NALF1: variants seen among roughly 807,000 people sequenced by gnomAD.
NALF1 encodes NALCN channel auxiliary factor 1.
NALF1 carries 3 observed loss-of-function variants against 48.4 expected under a neutral mutation model. The observed-to-expected ratio is 0.06, with a 90% CI of 0.03 to 0.16. The LOEUF is 0.16. Ranked by LOEUF, NALF1 falls within the 10% of genes least tolerant of loss-of-function variation. The pLI, the probability that NALF1 is intolerant of heterozygous loss-of-function variation, is 1.00. For synonymous variants in NALF1, 262 were observed against 245.7 expected (o/e 1.07, Z -0.62); for missense variants, 526 against 571.5 (o/e 0.92, Z 0.81).
Position 107,477,013 on chromosome 13 carries a change from AT to A in NALF1, c.916-266259del, listed in dbSNP as rs1414760468. On this transcript the variant is annotated intron_variant, in intron 1 of 2. Transcript: ENST00000375915. ...AATGCTTGAAACTCTCACTAATGGC[AT>A]TTGCAGTCAGGGAAACTGAGTCAAT... Among the ~76,000 whole-genome samples, 4 of 152,240 alleles carry A rather than the reference AT, an allele frequency of 2.6e-5. No individual in the cohort carries two copies. In the East Asian group the frequency reaches 7.7e-4, roughly 29 times the overall value.
chr13:107,201,034 G>A (rs1879503059), intron 2 of NALF1, among the ~76,000 whole-genome samples: 1 of 152,136 alleles, frequency 6.6e-6, no homozygotes, highest in African/African-American at 2.4e-5. Flanking sequence ...ACACGCCACT[G>A]CAATGAAGAG....
chr13:107,730,057 C>G lies in NALF1; in HGVS notation c.915+135625G>C, dbSNP rs545008437. Among the ~76,000 whole-genome samples, 5 of 152,286 alleles carry G rather than the reference C, an allele frequency of 3.3e-5. No individual in the cohort carries two copies. The South Asian group carries it at 8.3e-4, about 25-fold the overall frequency. On this transcript the variant is annotated intron_variant, in intron 1 of 2. Coordinates refer to ENST00000375915, the MANE Select transcript of NALF1 (RefSeq NM_001080396.3). ...ATAACATAATCTATCTCTACAACAT[C>G]TCTTCTCTAAGTCTGCTACGAAATT...
chr13:107,212,246 A>C (rs562023766), intron 1 of NALF1, among the ~76,000 whole-genome samples: 1 of 152,220 alleles, frequency 6.6e-6, no homozygotes, highest in Admixed American at 6.5e-5. Flanking sequence ...ATAAATATCA[A>C]AGTGAGATAC....
rs1321587346 is a variant in NALF1, at chr13:107,164,018, A to G, written c.*6479T>C. The G allele has an allele frequency of 2.6e-5, 4 of 152,218 alleles. No individual in the cohort carries two copies. The allele number at this position is 152,218 out of a possible 1,614,324, so 9.4% of individuals were successfully genotyped here. On this transcript the variant is annotated 3_prime_UTR_variant, in exon 3 of 3. Coordinates refer to ENST00000375915, the MANE Select transcript of NALF1 (RefSeq NM_001080396.3). Reference sequence around the variant, plus strand: ...GTGAAATGGTCAGTAGAAAATGGCCATAAGTTGAAATTTGCGTTTCGGTAA... The same window carrying G: ...GTGAAATGGTCAGTAGAAAATGGCCGTAAGTTGAAATTTGCGTTTCGGTAA...
intron 1 of NALF1, among the ~76,000 whole-genome samples, chr13:107,837,937 A>G (rs369125264): frequency 4.2e-4 from 64 of 152,242 alleles, no homozygotes; most frequent in African/African-American, 1.2e-3. Flanking sequence ...AAACACGGTA[A>G]AAAAACTCAT....
At position 107,463,446 on chromosome 13, in the gene NALF1, C is replaced by T. The variant is rs141852663; in HGVS notation, c.916-252691G>A. 7.1e-3 allele frequency among the ~76,000 whole-genome samples: 1,078 copies of T among 152,244 alleles called. 4 individuals are homozygous for T. The highest frequency in any genetic ancestry group is 0.012 in the Non-Finnish European group (816 of 68,012). ...AATAGAGAGGAAGGAAAGGATGTTG[C>T]TGGACCAAATAAAAAGCATGCATAT... On this transcript the variant is annotated intron_variant, in intron 1 of 2. Coordinates refer to ENST00000375915, the MANE Select transcript of NALF1 (RefSeq NM_001080396.3).
At chr13:107,524,333 A>G (rs1288106763) in intron 1 of NALF1, among the ~76,000 whole-genome samples, 1 of 152,164 alleles carries the variant, frequency 6.6e-6, no homozygotes, top group Admixed American at 6.6e-5. Flanking sequence ...AAGAGGCCAG[A>G]GCAGAAGTAG....
intron 1 of NALF1, among the ~76,000 whole-genome samples, chr13:107,633,529 T>C (rs1030300745): frequency 1.3e-5 from 2 of 151,946 alleles, no homozygotes; most frequent in Admixed American, 1.3e-4. Context: ...TTTATTCCTG[T>C]CCAAGTTATT....
chr13:107,549,196 C>T (rs1001058011), intron 1 of NALF1, among the ~76,000 whole-genome samples: 4 of 152,152 alleles, frequency 2.6e-5, no homozygotes, highest in African/African-American at 4.8e-5. Flanking sequence ...GTTAATATCT[C>T]TGTTGCACTA....
intron 1 of NALF1, among the ~76,000 whole-genome samples, chr13:107,599,963 T>C (rs1294255544): frequency 6.6e-6 from 1 of 152,194 alleles, no homozygotes; most frequent in African/African-American, 2.4e-5. Context: ...GGCCTAACTC[T>C]GATATAATGT....
intron 1 of NALF1, among the ~76,000 whole-genome samples, chr13:107,710,768 C>T (rs1486891666): frequency 3.1e-5 from 2 of 65,064 alleles, no homozygotes; most frequent in East Asian, 1.5e-3. Context: ...TATATGTATA[C>T]ACACATATGT....
chr13:107,413,617 C>A (rs1274921248), intron 1 of NALF1, among the ~76,000 whole-genome samples: 1 of 152,032 alleles, frequency 6.6e-6, no homozygotes, highest in Non-Finnish European at 1.5e-5. Context: ...ATTAACCCTT[C>A]ATGCATTTTA....
chr13:107,175,786 G>A (rs1878914734), intron 2 of NALF1, among the ~76,000 whole-genome samples: 1 of 152,136 alleles, frequency 6.6e-6, no homozygotes. Context: ...ACCTACAGAT[G>A]GTTTCACCCT....
chr13:107,732,469 A>G (rs1478005060), intron 1 of NALF1, among the ~76,000 whole-genome samples: 1 of 152,266 alleles, frequency 6.6e-6, no homozygotes, highest in Non-Finnish European at 1.5e-5. Context: ...TGTCTAGTCT[A>G]AGGACAGCCA....
chr13:107,392,073 G>T (rs887610014), intron 1 of NALF1, among the ~76,000 whole-genome samples: 1 of 151,988 alleles, frequency 6.6e-6, no homozygotes, highest in Non-Finnish European at 1.5e-5. Context: ...AAAAATTGTC[G>T]AACTTTATTT....
chr13:107,759,476 G>A (rs929280100), intron 1 of NALF1, among the ~76,000 whole-genome samples: 10 of 152,194 alleles, frequency 6.6e-5, no homozygotes, highest in African/African-American at 1.9e-4. Flanking sequence ...CCACAGTGCT[G>A]GGATTACAGG....
chr13:107,597,760 A>G (rs1253147698), intron 1 of NALF1, among the ~76,000 whole-genome samples: 1 of 152,204 alleles, frequency 6.6e-6, no homozygotes, highest in Non-Finnish European at 1.5e-5. Flanking sequence ...TGCTAATTGT[A>G]AGAATACATA....
At chr13:107,781,370 C>T (rs1490288311) in intron 1 of NALF1, among the ~76,000 whole-genome samples, 2 of 151,984 alleles carry the variant, frequency 1.3e-5, no homozygotes, top group Admixed American at 1.3e-4. Flanking sequence ...AATCAACATT[C>T]CATTGAAGAA....
Position 107,164,660 on chromosome 13 carries a change from C to T in NALF1, c.*5837G>A, listed in dbSNP as rs1878622231. ...GTAGTAGCCTTTTGGGAGTGGAAATCGAAAATAGCCAATGCTGTTTATATT... is the reference window on the plus strand; with the variant it reads ...GTAGTAGCCTTTTGGGAGTGGAAATTGAAAATAGCCAATGCTGTTTATATT... On this transcript the variant is annotated 3_prime_UTR_variant, in exon 3 of 3. Transcript: ENST00000375915. 1 of 151,922 alleles carries T rather than the reference C, an allele frequency of 6.6e-6. No homozygotes were observed. Among genetic ancestry groups the T allele is most frequent in the African/African-American group, 2.4e-5 (1 of 41,342 alleles). 9.4% of individuals were successfully genotyped at this position (151,922 alleles called of 1,614,324 possible).
Sources: gnomAD v4.1 joint callset for allele counts (sites outside exome capture counted in the v4.1 genomes callset) on GRCh38, gnomAD v4.1.1 for gene constraint, MANE v1.5 for transcripts, NCBI Gene and HGNC (gene_info 2026-07-23, HGNC 2026-07-21) for gene names.